The following GNAT3 variants were observed in gnomAD, a reference collection of about 807,000 sequenced individuals.
GNAT3 encodes the protein G protein subunit alpha transducin 3.
In GNAT3, 31 loss-of-function variants were observed where a neutral mutation model predicts 37.7. The ratio of observed to expected loss-of-function variants is 0.82; its 90% confidence interval spans 0.62 to 1.11. GNAT3 has a LOEUF of 1.11. GNAT3 is among the 50% of genes most tolerant of loss of function. GNAT3 has a pLI of 0.00. For missense variants in GNAT3, 437 were observed against 412.5 expected (o/e 1.06, Z -0.51); for synonymous variants, 138 against 139.8 (o/e 0.99, Z 0.09).
chr7:80,474,772 A>AT (rs1452372287), intron 4 of GNAT3, among the ~76,000 whole-genome samples: 5 of 152,070 alleles, frequency 3.3e-5, no homozygotes, highest in Admixed American at 3.3e-4. Flanking sequence ...ATGAAAGAAA[A>AT]TTTCTCTTTA....
chr7:80,470,151 A>T (rs1305161340), intron 5 of GNAT3, among the ~76,000 whole-genome samples: 1 of 152,190 alleles, frequency 6.6e-6, no homozygotes. Flanking sequence ...AGGCTCTTAA[A>T]AAAACAAGCT....
intron 5 of GNAT3, among the ~76,000 whole-genome samples, chr7:80,466,441 T>C (rs763104947): frequency 4.6e-5 from 7 of 152,162 alleles, no homozygotes; most frequent in Non-Finnish European, 1.0e-4. Context: ...ACTCCTCTCT[T>C]TAAGGTGACT....
chr7:80,496,365 A>G (rs1173039120), intron 1 of GNAT3, among the ~76,000 whole-genome samples: 1 of 152,090 alleles, frequency 6.6e-6, no homozygotes, highest in Non-Finnish European at 1.5e-5. Flanking sequence ...TCTTGGCCTC[A>G]AGTGATCTGC....
At chr7:80,473,176 C>G (rs574594524) in intron 5 of GNAT3, among the ~76,000 whole-genome samples, 24 of 152,246 alleles carry the variant, frequency 1.6e-4, no homozygotes, top group Admixed American at 3.9e-4. Flanking sequence ...GGATGTTGAT[C>G]CCAATCGGTG....
chr7:80,482,477 CT>C (rs1562725717), intron 3 of GNAT3, among the ~76,000 whole-genome samples: 4 of 151,510 alleles, frequency 2.6e-5, no homozygotes. Context: ...TTTTCTTTTT[CT>C]TTTTTCTTTC....
intron 3 of GNAT3, among the ~76,000 whole-genome samples, chr7:80,483,304 T>C (rs1458665716): frequency 6.6e-6 from 1 of 152,146 alleles, no homozygotes; most frequent in Non-Finnish European, 1.5e-5. Context: ...TTGATGTTCT[T>C]CTGTGCTTAT....
At chr7:80,464,515 T>C (rs949770763) in intron 5 of GNAT3, among the ~76,000 whole-genome samples, 92 of 152,090 alleles carry the variant, frequency 6.0e-4, no homozygotes, top group Admixed American at 3.0e-3. Context: ...GATTTTTAGA[T>C]AGGGAATTGA....
intron 4 of GNAT3, among the ~76,000 whole-genome samples, chr7:80,477,978 T>G (rs1471362775): frequency 6.6e-6 from 1 of 152,192 alleles, no homozygotes; most frequent in Non-Finnish European, 1.5e-5. Context: ...TGGTGCAGTC[T>G]CTGCCTACTG....
chr7:80,493,110 G>T (rs544586088), intron 2 of GNAT3, among the ~76,000 whole-genome samples: 4 of 151,248 alleles, frequency 2.6e-5, no homozygotes. Context: ...TTTTATTTAC[G>T]GTTTACTATA....
intron 4 of GNAT3, among the ~76,000 whole-genome samples, chr7:80,474,825 GTAGTGGC>G (rs2116162859): frequency 6.6e-6 from 1 of 152,232 alleles, no homozygotes; most frequent in South Asian, 2.1e-4. Flanking sequence ...CCTTATAGTG[GTAGTGGC>G]TAGATTATCC....
intron 1 of GNAT3, among the ~76,000 whole-genome samples, chr7:80,502,478 G>T (rs1337178056): frequency 6.6e-6 from 1 of 151,818 alleles, no homozygotes; most frequent in Non-Finnish European, 1.5e-5. Context: ...ATTAATTGTG[G>T]GAATAGTCAT....
In GNAT3 at chr7:80,478,866, A is replaced by G. The variant is rs1471928871; in HGVS notation, c.436T>C (p.Tyr146His). The G allele has an allele frequency of 1.2e-6, 2 of 1,613,368 alleles. No individual in the cohort carries two copies. The highest frequency in any genetic ancestry group is 1.7e-6 in the Non-Finnish European group (2 of 1,179,494). ...IQACFERASE[Y>H]QLNDSAAYYL... ...TAAGCTGCTGAGTCATTGAGCTGAT[A>G]TTCAGATGCCCTTTCAAAGCAGGCC... The change falls in exon 4 of 8, where the codon TAT (tyrosine) becomes CAT (histidine). Residue 146 changes from tyrosine (Y) to histidine (H), a missense_variant. Tyr to His is a moderately conservative substitution (Grantham distance 83, BLOSUM62 2). Coordinates refer to ENST00000398291, the MANE Select transcript of GNAT3 (RefSeq NM_001102386.3).
chr7:80,494,755 G>C lies in GNAT3; in HGVS notation c.119-108C>G, dbSNP rs577055014. ...CTTTAATTTTTTTTAATAGGTTTAG[G>C]GGGTACAAGTGCAGTTTTGTTACAT... On this transcript the variant is annotated intron_variant, in intron 1 of 7. Transcript: ENST00000398291. 53 of 669,738 alleles carry C rather than the reference G, an allele frequency of 7.9e-5. No individual in the cohort carries two copies. The African/African-American group carries it at 9.0e-4, about 11-fold the overall frequency. The allele number at this position is 669,738 out of a possible 1,614,324, so 41.5% of individuals were successfully genotyped here. A position where few individuals can be genotyped will look rare whatever the true frequency, so the allele number is the denominator to read the frequency against.
rs574356045 is a variant in GNAT3, at chr7:80,463,820, A to G, written c.591-1189T>C. On this transcript the variant is annotated intron_variant, in intron 5 of 7. Coordinates refer to ENST00000398291, the MANE Select transcript of GNAT3 (RefSeq NM_001102386.3). Reference sequence around the variant, plus strand: ...AGGCAGGAAACACAGCAAACATGCTATGTTCTCTCATGCCTTGATAACTTA... The same window carrying G: ...AGGCAGGAAACACAGCAAACATGCTGTGTTCTCTCATGCCTTGATAACTTA... 2.1e-5 allele frequency among the ~76,000 whole-genome samples: 3 copies of G among 144,220 alleles called. No homozygotes were observed. The South Asian group carries it at 6.8e-4, about 33-fold the overall frequency. The allele number at this position is 144,220 out of a possible 152,430, so 94.6% of individuals were successfully genotyped here. A position where few individuals can be genotyped will look rare whatever the true frequency, so the allele number is the denominator to read the frequency against.
intron 1 of GNAT3, among the ~76,000 whole-genome samples, chr7:80,495,178 A>C (rs879919479): frequency 2.0e-5 from 3 of 152,144 alleles, no homozygotes; most frequent in Admixed American, 2.0e-4. Context: ...GCTATTATAA[A>C]TAGTGCTGCA....
chr7:80,505,514 C>G (rs189873264), intron 1 of GNAT3, among the ~76,000 whole-genome samples: 1 of 152,042 alleles, frequency 6.6e-6, no homozygotes, highest in African/African-American at 2.4e-5. Flanking sequence ...CTACAGGCGC[C>G]CGCCAACACG....
intron 3 of GNAT3, among the ~76,000 whole-genome samples, chr7:80,488,134 A>G (rs1401603777): frequency 6.6e-6 from 1 of 152,122 alleles, no homozygotes; most frequent in Non-Finnish European, 1.5e-5. Flanking sequence ...ATCGTCAAAC[A>G]TTAATTATAA....
intron 3 of GNAT3, among the ~76,000 whole-genome samples, chr7:80,482,689 A>AT (rs71079119): frequency 0.017 from 1,921 of 114,074 alleles, 41 homozygotes; most frequent in African/African-American, 0.052. Flanking sequence ...AATTTTTGTA[A>AT]TTTTTTTTTT....
intron 1 of GNAT3, among the ~76,000 whole-genome samples, chr7:80,506,137 A>C (rs2116231282): frequency 6.6e-6 from 1 of 152,338 alleles, no homozygotes; most frequent in East Asian, 1.9e-4. Context: ...AATATTTTTA[A>C]AGATAAAATA....
Sources: gnomAD v4.1 joint callset for allele counts (sites outside exome capture counted in the v4.1 genomes callset) on GRCh38, gnomAD v4.1.1 for gene constraint, MANE v1.5 for transcripts, NCBI Gene and HGNC (gene_info 2026-07-23, HGNC 2026-07-21) for gene names.